TRERF1: variants seen among roughly 807,000 people sequenced by gnomAD.
TRERF1 encodes the protein transcriptional regulating factor 1.
In TRERF1, 27 loss-of-function variants were observed where a neutral mutation model predicts 122.9. That is an observed-to-expected ratio of 0.22 (90% CI 0.16 to 0.30). The LOEUF is 0.30. Among genes scored for constraint, TRERF1 ranks in the 10% least tolerant of loss-of-function variants. TRERF1 has a pLI of 1.00. For missense variants in TRERF1, 1,248 were observed against 1,560.3 expected, an observed-to-expected ratio of 0.80 and a Z score of 3.37; for synonymous variants, 636 against 641.7, an observed-to-expected ratio of 0.99 and a Z score of 0.13.
chr6:42,239,671 G>A (rs1452513886), intron 15 of TRERF1, among the ~76,000 whole-genome samples: 5 of 152,000 alleles, frequency 3.3e-5, no homozygotes, highest in Non-Finnish European at 5.9e-5. Flanking sequence ...GGCAGGCCCC[G>A]AGGACAAAGA....
chr6:42,424,220 T>C (rs552829827), intron 2 of TRERF1, among the ~76,000 whole-genome samples: 209 of 152,350 alleles, frequency 1.4e-3, no homozygotes, highest in Non-Finnish European at 1.7e-3. Flanking sequence ...GCTGCCCACG[T>C]AAGCAAGTTT....
At chr6:42,316,692 C>G (rs959632419) in intron 3 of TRERF1, among the ~76,000 whole-genome samples, 7 of 152,154 alleles carry the variant, frequency 4.6e-5, no homozygotes, top group African/African-American at 1.4e-4. Context: ...CTCCCTGAAA[C>G]GAACCCCCTC....
At chr6:42,261,118 A>T (rs1016453516) in intron 8 of TRERF1, among the ~76,000 whole-genome samples, 2 of 151,716 alleles carry the variant, frequency 1.3e-5, no homozygotes, top group African/African-American at 4.8e-5. Context: ...AGGGCTCCTC[A>T]GCGCCTGAGG....
chr6:42,288,037 C>G (rs966686651), intron 4 of TRERF1, among the ~76,000 whole-genome samples: 5 of 151,974 alleles, frequency 3.3e-5, no homozygotes, highest in Non-Finnish European at 7.4e-5. Context: ...CCATTCTCCA[C>G]CTTCTCAGCC....
At chr6:42,429,920 G>A (rs1181935067) in intron 2 of TRERF1, among the ~76,000 whole-genome samples, 2 of 152,180 alleles carry the variant, frequency 1.3e-5, no homozygotes, top group African/African-American at 2.4e-5. Flanking sequence ...GGAAAGCCCT[G>A]TTGAGAAAGA....
At chr6:42,255,211 G>A (rs1030166838) in intron 12 of TRERF1, among the ~76,000 whole-genome samples, 5 of 152,222 alleles carry the variant, frequency 3.3e-5, no homozygotes, top group African/African-American at 1.2e-4. Flanking sequence ...CCGCCCCAGA[G>A]ATGAGTGGTG....
intron 2 of TRERF1, among the ~76,000 whole-genome samples, chr6:42,449,608 C>A (rs1299985194): frequency 1.3e-5 from 2 of 152,244 alleles, no homozygotes; most frequent in South Asian, 4.1e-4. Flanking sequence ...CTGGAATGAA[C>A]ATACATAAAG....
chr6:42,353,780 A>G (rs894699043), intron 3 of TRERF1, among the ~76,000 whole-genome samples: 21 of 152,318 alleles, frequency 1.4e-4, no homozygotes, highest in African/African-American at 5.0e-4. Flanking sequence ...AGCAGGCTAT[A>G]AAGCAATTCA....
intron 13 of TRERF1, among the ~76,000 whole-genome samples, chr6:42,251,564 C>G (rs1229431962): frequency 2.0e-5 from 3 of 151,836 alleles, no homozygotes; most frequent in Non-Finnish European, 4.4e-5. Context: ...CCATGTTAGG[C>G]AAGGTAAAAG....
chr6:42,298,029 A>G (rs1488703758), intron 4 of TRERF1, among the ~76,000 whole-genome samples: 1 of 152,222 alleles, frequency 6.6e-6, no homozygotes, highest in Non-Finnish European at 1.5e-5. Flanking sequence ...ATCACCAAGC[A>G]GAACTTCTAG....
chr6:42,392,007 C>G, intron 2 of TRERF1, among the ~76,000 whole-genome samples: 1 of 152,198 alleles, frequency 6.6e-6, no homozygotes, highest in East Asian at 1.9e-4. Context: ...ACAGCTGAAG[C>G]CCAGCTTCAC....
chr6:42,361,801 G>A (rs1771822367), intron 3 of TRERF1, among the ~76,000 whole-genome samples: 1 of 152,208 alleles, frequency 6.6e-6, no homozygotes, highest in Non-Finnish European at 1.5e-5. Context: ...CTGCCCCACA[G>A]AGGCTCTGCC....
intron 4 of TRERF1, among the ~76,000 whole-genome samples, chr6:42,272,405 G>A (rs1465615493): frequency 6.6e-6 from 1 of 152,184 alleles, no homozygotes; most frequent in Non-Finnish European, 1.5e-5. Flanking sequence ...AAGGATGCTG[G>A]GCGTGAGAGT....
At chr6:42,367,898 C>T (rs1459932042) in intron 2 of TRERF1, among the ~76,000 whole-genome samples, 1 of 152,100 alleles carries the variant, frequency 6.6e-6, no homozygotes, top group East Asian at 1.9e-4. Flanking sequence ...TCTGGCTGCC[C>T]GGCCAGCGTC....
At chr6:42,296,319 G>A (rs978906319) in intron 4 of TRERF1, among the ~76,000 whole-genome samples, 1 of 152,176 alleles carries the variant, frequency 6.6e-6, no homozygotes, top group Non-Finnish European at 1.5e-5. Context: ...ATTTACATTA[G>A]ATTTCTGCCT....
At chr6:42,418,666 G>C (rs538443046) in intron 2 of TRERF1, among the ~76,000 whole-genome samples, 1 of 152,222 alleles carries the variant, frequency 6.6e-6, no homozygotes, top group Admixed American at 6.5e-5. Flanking sequence ...GGGCTCGTAG[G>C]TAGTTGATTA....
intron 3 of TRERF1, among the ~76,000 whole-genome samples, chr6:42,359,963 C>T (rs878869052): frequency 1.3e-5 from 2 of 151,964 alleles, no homozygotes; most frequent in African/African-American, 4.8e-5. Context: ...AAAAAAACTT[C>T]GGTAAAAAAA....
Position 42,268,031 on chromosome 6 carries a change from G to T in TRERF1, c.1437+123C>A. ...CAGTGCGTGACACATGTAGGTTAAT[G>T]TTTGTGGAATTAGTAAAGAACAAAA... On this transcript the variant is annotated intron_variant, in intron 5 of 17. Transcript: ENST00000372922. This position sits in a 1 kb window ranked among gnomAD's most constrained non-coding sequence, Gnocchi z 4.4. 8.3e-7 allele frequency: 1 copy of T among 1,203,156 alleles called. No homozygotes were observed. The highest frequency in any genetic ancestry group is 1.1e-6 in the Non-Finnish European group (1 of 916,788). The allele number at this position is 1,203,156 out of a possible 1,614,324, so 74.5% of individuals were successfully genotyped here.
chr6:42,228,424 T>C lies in TRERF1; in HGVS notation c.3524A>G (p.Glu1175Gly), dbSNP rs1182288456. The C allele has an allele frequency of 1.9e-6, 3 of 1,614,104 alleles. No individual in the cohort carries two copies. Among genetic ancestry groups the C allele is most frequent in the Non-Finnish European group, 2.5e-6 (3 of 1,180,040 alleles). ...ATCGGTGTCCACAACTTCAGCCTCT[T>C]CCATGACACCTCCCAACTGCTGGAC... The change falls in exon 18 of 18, where the codon GAA (glutamate) becomes GGA (glycine). Residue 1175 changes from glutamate to glycine, a missense_variant. Around this residue, in one of 5 missense-constraint regions of TRERF1, gnomAD observed 84 missense variants for 116.0 expected, o/e 0.72. Transcript: ENST00000372922. The surrounding 1 kb of genome is among the most constrained non-coding windows in gnomAD (Gnocchi z 4.2).
Sources: allele counts gnomAD v4.1 joint callset (sites outside exome capture counted in the v4.1 genomes callset), GRCh38; gene constraint gnomAD v4.1.1; regional missense constraint gnomAD v4.1.1; non-coding constraint Gnocchi (gnomAD v3.1); transcripts MANE v1.5; gene names NCBI Gene and HGNC (gene_info 2026-07-23, HGNC 2026-07-21).